The following LRRC8C variants were observed in gnomAD, a reference collection of about 807,000 sequenced individuals.
LRRC8C encodes the protein volume-regulated anion channel subunit LRRC8C.
A neutral mutation model predicts 55.3 loss-of-function variants in LRRC8C; 20 were observed. The ratio of observed to expected loss-of-function variants is 0.36; its 90% CI spans 0.25 to 0.53. LRRC8C has a LOEUF of 0.53. LRRC8C is among the 20% of genes least tolerant of loss of function. The pLI, the probability that LRRC8C is intolerant of heterozygous loss-of-function variation, is 0.92. For missense variants in LRRC8C, 659 were observed against 951.4 expected (o/e 0.69, Z 4.04); for synonymous variants, 376 against 360.7 (o/e 1.04, Z -0.48).
chr1:89,699,881 AT>A, intron 2 of LRRC8C, among the ~76,000 whole-genome samples: 1 of 152,276 alleles, frequency 6.6e-6, no homozygotes, highest in East Asian at 1.9e-4. Context: ...TCTCACCAAC[AT>A]TTTTTGTACT....
chr1:89,662,473 G>A (rs968234946), intron 1 of LRRC8C, among the ~76,000 whole-genome samples: 1 of 152,180 alleles, frequency 6.6e-6, no homozygotes, highest in Non-Finnish European at 1.5e-5. Context: ...TTGCTCACTT[G>A]AGATGACTCT....
rs758573976 is a variant in LRRC8C at position 89,713,844 on chromosome 1, G to A, written c.1274G>A (p.Arg425Gln). ...AAGCTACAGACAAATGCCCATAATC[G>A]ACTGGAATTGCCTCTTATCATGCTC... ...RQKLQTNAHN[R>Q]LELPLIMLSG... The change falls in exon 3 of 3, where the codon CGA becomes CAA. Residue 425 changes from arginine to glutamine, a missense_variant. Arg to Gln is a conservative substitution (Grantham distance 43). Coordinates refer to ENST00000370454, the MANE Select transcript of LRRC8C (RefSeq NM_032270.5). The surrounding 1 kb of genome is among the most constrained non-coding windows in gnomAD (Gnocchi z 5.2). 3 of 1,614,092 alleles carry A rather than the reference G, an allele frequency of 1.9e-6. No homozygotes were observed. Among genetic ancestry groups the A allele is most frequent in the South Asian group, 1.1e-5 (1 of 91,072 alleles).
At chr1:89,699,926 A>G (rs182916890) in intron 2 of LRRC8C, among the ~76,000 whole-genome samples, 107 of 152,326 alleles carry the variant, frequency 7.0e-4, no homozygotes, top group Non-Finnish European at 1.4e-3. Flanking sequence ...CTTGAAACAC[A>G]GTCTACATTT....
chr1:89,704,165 C>T (rs1407198476), intron 2 of LRRC8C, among the ~76,000 whole-genome samples: 1 of 152,108 alleles, frequency 6.6e-6, no homozygotes, highest in Admixed American at 6.5e-5. Flanking sequence ...AGAATCTCAA[C>T]ACCCCAAAGA....
intron 1 of LRRC8C, among the ~76,000 whole-genome samples, chr1:89,654,669 T>A (rs1476117591): frequency 6.6e-6 from 1 of 152,194 alleles, no homozygotes; most frequent in Non-Finnish European, 1.5e-5. Context: ...CACTAAGAAT[T>A]TGAAGGCTTT....
At chr1:89,696,283 G>A (rs971176846) in intron 2 of LRRC8C, among the ~76,000 whole-genome samples, 2 of 152,196 alleles carry the variant, frequency 1.3e-5, no homozygotes, top group African/African-American at 4.8e-5. Context: ...TGGTGAGCTA[G>A]GCCACACTTC....
At chr1:89,682,350 A>G (rs1657739211) in intron 1 of LRRC8C, among the ~76,000 whole-genome samples, 1 of 152,158 alleles carries the variant, frequency 6.6e-6, no homozygotes, top group Non-Finnish European at 1.5e-5. Flanking sequence ...TTTATTTCCC[A>G]TATTAAAAGC....
In LRRC8C at chr1:89,642,195, C is replaced by T. The variant is rs549999641; in HGVS notation, c.-5+8873C>T. 2.0e-4 allele frequency among the ~76,000 whole-genome samples: 30 copies of T among 152,248 alleles called. No homozygotes were observed. In the South Asian group the frequency reaches 4.8e-3, roughly 24 times the overall value. ...TGGTAACCCTATTTTCTTGAGGACG[C>T]TTTTTTCCTCCTCAGATTCTTATCC... On this transcript the variant is annotated intron_variant, in intron 1 of 2. Coordinates refer to ENST00000370454, the MANE Select transcript of LRRC8C (RefSeq NM_032270.5).
At chr1:89,680,279 G>A (rs757898352) in intron 1 of LRRC8C, among the ~76,000 whole-genome samples, 95 of 151,728 alleles carry the variant, frequency 6.3e-4, no homozygotes, top group Non-Finnish European at 1.0e-3. Flanking sequence ...GGGTTTCACC[G>A]TGTTAGCCAG....
intron 1 of LRRC8C, among the ~76,000 whole-genome samples, chr1:89,655,872 C>G (rs933921991): frequency 6.6e-6 from 1 of 152,216 alleles, no homozygotes; most frequent in South Asian, 2.1e-4. Flanking sequence ...ATATGGAGGG[C>G]TCCTTTAAGG....
chr1:89,690,306 G>A (rs896438284), intron 2 of LRRC8C, among the ~76,000 whole-genome samples: 3 of 152,142 alleles, frequency 2.0e-5, no homozygotes, highest in Non-Finnish European at 2.9e-5. Context: ...TTTACTGAGA[G>A]GTTGTGAGGG....
chr1:89,617,299 A>G, the LRRC8C span, among the ~76,000 whole-genome samples: 2 of 152,216 alleles, frequency 1.3e-5, no homozygotes, highest in African/African-American at 4.8e-5. Context: ...TAAATAAACC[A>G]TTAGCAGGAC....
intron 1 of LRRC8C, among the ~76,000 whole-genome samples, chr1:89,635,477 A>T (rs1656254015): frequency 6.6e-6 from 1 of 152,190 alleles, no homozygotes; most frequent in Non-Finnish European, 1.5e-5. Flanking sequence ...TCCACATTTT[A>T]CATAAGAAGG....
Position 89,714,534 on chromosome 1 carries a change from A to G in LRRC8C, c.1964A>G (p.His655Arg). Residue 655 changes from histidine (H) to arginine (R), a missense_variant, in exon 3 of 3, where the codon CAT becomes CGT. Physicochemically the swap from His to Arg is conservative, Grantham distance 29. Coordinates refer to ENST00000370454, the MANE Select transcript of LRRC8C (RefSeq NM_032270.5). This position sits in a 1 kb window ranked among gnomAD's most constrained non-coding sequence, Gnocchi z 4.6. ...AACAGCATCACCTACATCCCAGAGCATATAAAGAAACTCACCAGCCTGGAA... is the reference window on the plus strand; with the variant it reads ...AACAGCATCACCTACATCCCAGAGCGTATAAAGAAACTCACCAGCCTGGAA... ...WHNSITYIPE[H>R]IKKLTSLERL... 1 of 1,614,212 alleles carries G rather than the reference A, an allele frequency of 6.2e-7. No homozygotes were observed. The highest frequency in any genetic ancestry group is 1.3e-5 in the African/African-American group (1 of 75,058).
At chr1:89,693,035 G>A (rs1175266169) in intron 2 of LRRC8C, among the ~76,000 whole-genome samples, 1 of 152,156 alleles carries the variant, frequency 6.6e-6, no homozygotes, top group Non-Finnish European at 1.5e-5. Flanking sequence ...TAGGGGACCT[G>A]CCTTGTGATT....
intron 2 of LRRC8C, among the ~76,000 whole-genome samples, chr1:89,711,980 C>T (rs538967482): frequency 6.6e-6 from 1 of 152,228 alleles, no homozygotes; most frequent in South Asian, 2.1e-4. Context: ...TTTCATAGTT[C>T]CTCCTTCTTA....
intron 1 of LRRC8C, among the ~76,000 whole-genome samples, chr1:89,637,000 T>TA (rs1019537798): frequency 2.0e-5 from 3 of 152,154 alleles, no homozygotes; most frequent in Non-Finnish European, 4.4e-5. Flanking sequence ...TTACAATAAT[T>TA]AGGAAAGACA....
In LRRC8C at chr1:89,712,951, C is replaced by T. The variant is rs1185041573; in HGVS notation, c.381C>T (p.Phe127=). The change falls in exon 3 of 3, where the codon TTC becomes TTT. Residue 127 remains phenylalanine, a synonymous_variant. Transcript: ENST00000370454. ...ERALHWYAKY[F]PYLVLIHTLV... Reference sequence around the variant, plus strand: ...CCCTCCACTGGTATGCCAAGTATTTCCCTTACCTTGTCCTCATCCATACCC... The same window carrying T: ...CCCTCCACTGGTATGCCAAGTATTTTCCTTACCTTGTCCTCATCCATACCC... 1 of 1,613,566 alleles carries T rather than the reference C, an allele frequency of 6.2e-7. No homozygotes were observed. Among genetic ancestry groups the T allele is most frequent in the Non-Finnish European group, 8.5e-7 (1 of 1,180,030 alleles).
intron 1 of LRRC8C, among the ~76,000 whole-genome samples, chr1:89,677,984 A>C (rs1253550024): frequency 1.3e-5 from 2 of 152,216 alleles, no homozygotes; most frequent in Non-Finnish European, 2.9e-5. Flanking sequence ...TTTACAACTG[A>C]TGTTTTCAGC....
Sources: gnomAD v4.1 joint callset for allele counts (sites outside exome capture counted in the v4.1 genomes callset) on GRCh38, gnomAD v4.1.1 for gene constraint, Gnocchi (gnomAD v3.1) non-coding constraint, MANE v1.5 for transcripts, NCBI Gene and HGNC (gene_info 2026-07-23, HGNC 2026-07-21) for gene names.